The following BTNL9 variants were observed in gnomAD, a reference collection of about 807,000 sequenced individuals.
BTNL9 encodes the protein butyrophilin-like protein 9.
Under a neutral mutation model 45.8 loss-of-function variants are expected in BTNL9, and 45 were observed. The ratio of observed to expected loss-of-function variants is 0.98; its 90% CI spans 0.77 to 1.26. BTNL9 has a LOEUF of 1.26. BTNL9 is among the 50% of genes most tolerant of loss of function. The probability of loss-of-function intolerance (pLI) is 0.00; values close to 1 mark genes in which losing one functional copy is unlikely to be tolerated. For synonymous variants in BTNL9, 346 were observed against 330.8 expected, an observed-to-expected ratio of 1.05 and a Z score of -0.50; for missense variants, 784 against 729.7, an observed-to-expected ratio of 1.07 and a Z score of -0.86.
rs1327487403 is a variant in BTNL9, at chr5:181,053,405, G to C, written c.854-64G>C. 6.5e-6 allele frequency: 10 copies of C among 1,537,308 alleles called. No homozygotes were observed. The highest frequency in any genetic ancestry group is 1.4e-5 in the African/African-American group (1 of 72,708). On this transcript the variant is annotated intron_variant, in intron 5 of 10. Coordinates refer to ENST00000327705, the MANE Select transcript of BTNL9 (RefSeq NM_152547.5). The surrounding 1 kb of genome is among the most constrained non-coding windows in gnomAD (Gnocchi z 6.5). ...GGCGCCTCCCCCCAGGACGCGGCGC[G>C]GGAAGGCGGCCTGGAAGGGGCGGGG...
At chr5:181,057,960 T>G (rs1342694267) in intron 9 of BTNL9, among the ~76,000 whole-genome samples, 1 of 152,222 alleles carries the variant, frequency 6.6e-6, no homozygotes, top group Non-Finnish European at 1.5e-5. Context: ...ACAGGACATC[T>G]GGAGGGCATC....
At chr5:181,058,575 C>T (rs147508398) in intron 10 of BTNL9, among the ~76,000 whole-genome samples, 197 bp downstream of exon 10, 7 of 152,226 alleles carry the variant, frequency 4.6e-5, no homozygotes, top group Non-Finnish European at 1.0e-4. Context: ...CACATGCACA[C>T]GTGAGCTCCC....
intron 6 of BTNL9, chr5:181,054,032 A>G: frequency 6.5e-7 from 1 of 1,543,074 alleles, no homozygotes; most frequent in Non-Finnish European, 8.7e-7. Flanking sequence ...TCACCCTCCT[A>G]TGCAGAAGGG....
rs752479920 is a variant in BTNL9 at position 181,055,493 on chromosome 5, G to C, written c.928+40G>C. The C allele has an allele frequency of 5.0e-6, 8 of 1,611,772 alleles. No homozygotes were observed. In the South Asian group the frequency reaches 8.8e-5, roughly 18 times the overall value. On this transcript the variant is annotated intron_variant, in intron 8 of 10. Transcript: ENST00000327705. The surrounding 1 kb of genome is among the most constrained non-coding windows in gnomAD (Gnocchi z 4.4). The stretch of plus-strand genomic sequence containing the variant: ...TTAGAACTATTTCTCCTCAGGGCCG[G>C]GTCCAGTGGCTCACACCTGTAATCC...
chr5:181,051,147 T>C (rs978304098), intron 4 of BTNL9, among the ~76,000 whole-genome samples: 1 of 149,694 alleles, frequency 6.7e-6, no homozygotes, highest in South Asian at 2.1e-4. Context: ...TGAAGCAGGC[T>C]GAAAGCAGTG....
intron 9 of BTNL9, among the ~76,000 whole-genome samples, chr5:181,058,004 G>T (rs998472758): frequency 1.4e-4 from 22 of 152,152 alleles, no homozygotes; most frequent in African/African-American, 5.3e-4. Flanking sequence ...GGGCCTCCTG[G>T]GCACAGCCTG....
chr5:181,051,078 C>CAAA (rs1399289272), intron 4 of BTNL9, among the ~76,000 whole-genome samples: 10 of 44,700 alleles, frequency 2.2e-4, no homozygotes, highest in African/African-American at 7.7e-4. Context: ...GAATCCGTCT[C>CAAA]AAAAAAAAAA....
chr5:181,054,098 C>T (rs770426981), intron 6 of BTNL9, 141 bp from the exon 7 acceptor site: 133 of 1,552,842 alleles, frequency 8.6e-5, no homozygotes, highest in Admixed American at 2.2e-4. Context: ...TCCAGCCCAG[C>T]CTGGGCCCGC....
chr5:181,051,735 C>CT (rs1157546078), intron 4 of BTNL9, among the ~76,000 whole-genome samples: 3 of 132,412 alleles, frequency 2.3e-5, no homozygotes, highest in Non-Finnish European at 4.9e-5. Flanking sequence ...GGAAAATGAA[C>CT]TAAGAGAGGG....
Position 181,053,799 on chromosome 5 carries a change from C to A in BTNL9, c.886+298C>A. On this transcript the variant is annotated intron_variant, in intron 6 of 10. Transcript: ENST00000327705. This position sits in a 1 kb window ranked among gnomAD's most constrained non-coding sequence, Gnocchi z 6.5. ...CACACTGTACAGAGGGAGCGGTGAC[C>A]AGGGTCTCTGCTGCCAGCGCCACCT... 1 of 1,522,568 alleles carries A rather than the reference C, an allele frequency of 6.6e-7. No homozygotes were observed. Among genetic ancestry groups the A allele is most frequent in the Non-Finnish European group, 8.8e-7 (1 of 1,138,336 alleles). 94.3% of individuals were successfully genotyped at this position (1,522,568 alleles called of 1,614,324 possible). A position where few individuals can be genotyped will look rare whatever the true frequency, so the allele number is the denominator to read the frequency against.
intron 2 of BTNL9, among the ~76,000 whole-genome samples, chr5:181,046,660 T>C (rs953519611): frequency 1.3e-5 from 2 of 151,480 alleles, no homozygotes; most frequent in Non-Finnish European, 2.9e-5. Context: ...TATGTGACCA[T>C]GGCTGAGAGA....
At chr5:181,046,344 T>G (rs1008608050) in intron 2 of BTNL9, among the ~76,000 whole-genome samples, 12 of 151,454 alleles carry the variant, frequency 7.9e-5, no homozygotes, top group Non-Finnish European at 1.5e-4. Flanking sequence ...CCCCAACACC[T>G]CCTGCACACT....
intron 9 of BTNL9, 33 bp downstream of exon 9, chr5:181,056,048 T>TCATTTATA: frequency 1.9e-6 from 3 of 1,612,756 alleles, no homozygotes; most frequent in Non-Finnish European, 2.5e-6. Flanking sequence ...TGACTCCTCC[T>TCATTTATA]CATTTATATC....
rs889629638 is a variant in BTNL9, at chr5:181,042,386, C to A, written c.-24+1954C>A. Reference sequence around the variant, plus strand: ...CCAGGCAAAACCTCCTCACCAGGAACAACCTGAAATCAATTTACACTGTAA... The same window carrying A: ...CCAGGCAAAACCTCCTCACCAGGAAAAACCTGAAATCAATTTACACTGTAA... On this transcript the variant is annotated intron_variant, in intron 1 of 10. Coordinates refer to ENST00000327705, the MANE Select transcript of BTNL9 (RefSeq NM_152547.5). The surrounding 1 kb of genome is among the most constrained non-coding windows in gnomAD (Gnocchi z 4.5). 6.6e-6 allele frequency among the ~76,000 whole-genome samples: 1 copy of A among 152,206 alleles called. No homozygotes were observed. The highest frequency in any genetic ancestry group is 1.5e-5 in the Non-Finnish European group (1 of 68,042).
In BTNL9 at chr5:181,050,921, T is replaced by C. The variant is rs1361199111; in HGVS notation, c.736+552T>C. Among the ~76,000 whole-genome samples the C allele has an allele frequency of 2.0e-5, 3 of 151,892 alleles. No individual in the cohort carries two copies. Among genetic ancestry groups the C allele is most frequent in the Non-Finnish European group, 4.4e-5 (3 of 67,974 alleles). On this transcript the variant is annotated intron_variant, in intron 4 of 10. Transcript: ENST00000327705. The surrounding 1 kb of genome is among the most constrained non-coding windows in gnomAD (Gnocchi z 4.9). ...GGCCAAGATGGTGAATCCCCATCTCTACTAAAATTACAAAAATTAGCCCGG... is the reference window on the plus strand; with the variant it reads ...GGCCAAGATGGTGAATCCCCATCTCCACTAAAATTACAAAAATTAGCCCGG...
At chr5:181,056,105 C>G in intron 9 of BTNL9, 90 bp downstream of exon 9, 1 of 1,456,602 alleles carries the variant, frequency 6.9e-7, no homozygotes, top group Non-Finnish European at 9.6e-7. Context: ...AGGCTTCATT[C>G]TGGTTGCATT....
At position 181,055,754 on chromosome 5, in the gene BTNL9, G is replaced by A. The variant is rs1761845130; in HGVS notation, c.929-235G>A. ...ACTGCACTCCAGCCTGGGCGACAGA[G>A]CGAGACTCTGTCTCAAAAAAAAAAA... On this transcript the variant is annotated intron_variant, in intron 8 of 10. Transcript: ENST00000327705. This position sits in a 1 kb window ranked among gnomAD's most constrained non-coding sequence, Gnocchi z 4.4. The A allele has an allele frequency of 1.4e-6, 1 of 708,936 alleles. No homozygotes were observed. 43.9% of individuals were successfully genotyped at this position (708,936 alleles called of 1,614,324 possible).
chr5:181,059,262 G>A lies in BTNL9; in HGVS notation c.1008G>A (p.Ser336=), dbSNP rs763415169. ...TGGATGTGACGCTGGACCCGGCCTC[G>A]GCGCACCCCAGCCTGGAGGTGTCGG... is the stretch of plus-strand genomic sequence containing the variant. The part of the protein sequence containing the change: ...YAVDVTLDPA[S]AHPSLEVSED... The change falls in exon 11 of 11, where the codon TCG becomes TCA. Residue 336 remains serine (S), a synonymous_variant. Coordinates refer to ENST00000327705, the MANE Select transcript of BTNL9 (RefSeq NM_152547.5). 1.3e-6 allele frequency: 2 copies of A among 1,564,626 alleles called. No homozygotes were observed. The highest frequency in any genetic ancestry group is 2.3e-5 in the South Asian group (2 of 86,496).
At chr5:181,046,550 C>T (rs1378910665) in intron 2 of BTNL9, among the ~76,000 whole-genome samples, 1 of 152,162 alleles carries the variant, frequency 6.6e-6, no homozygotes, top group African/African-American at 2.4e-5. Flanking sequence ...ATTTCCTGGG[C>T]TGGAAACCAG....
Sources: gnomAD v4.1 joint callset for allele counts (sites outside exome capture counted in the v4.1 genomes callset) on GRCh38, gnomAD v4.1.1 for gene constraint, Gnocchi (gnomAD v3.1) non-coding constraint, MANE v1.5 for transcripts, NCBI Gene and HGNC (gene_info 2026-07-23, HGNC 2026-07-21) for gene names.